GPC5: variants seen among roughly 807,000 people sequenced by gnomAD.
GPC5 encodes the protein glypican 5.
In GPC5, 47 loss-of-function variants were observed where a neutral mutation model predicts 53.9. That is an observed-to-expected ratio of 0.87 (90% CI 0.69 to 1.11). The LOEUF is 1.11. Among genes scored for constraint, GPC5 ranks in the 50% most tolerant of loss-of-function variants. The probability of loss-of-function intolerance (pLI) is 0.00; values close to 1 mark genes in which losing one functional copy is unlikely to be tolerated. For synonymous variants in GPC5, 286 were observed against 263.3 expected (o/e 1.09, Z -0.84); for missense variants, 748 against 713.1 (o/e 1.05, Z -0.56).
intron 2 of GPC5, among the ~76,000 whole-genome samples, chr13:91,628,455 C>T (rs1326135584): frequency 6.6e-6 from 1 of 150,472 alleles, no homozygotes; most frequent in Non-Finnish European, 1.5e-5. Context: ...CTATGTTTAA[C>T]CGTAGCTACC....
chr13:92,354,540 G>C (rs1209802178), intron 7 of GPC5, among the ~76,000 whole-genome samples: 1 of 152,162 alleles, frequency 6.6e-6, no homozygotes, highest in Non-Finnish European at 1.5e-5. Context: ...TTACTATGTA[G>C]CTAGAAGTAT....
At chr13:92,865,249 G>GA (rs559054509) in intron 7 of GPC5, among the ~76,000 whole-genome samples, 109 of 152,110 alleles carry the variant, frequency 7.2e-4, no homozygotes, top group Non-Finnish European at 1.2e-3. Flanking sequence ...TTTTTTAAAT[G>GA]AAACACTTTA....
intron 2 of GPC5, among the ~76,000 whole-genome samples, chr13:91,623,004 T>C (rs2033901930): frequency 6.6e-6 from 1 of 151,988 alleles, no homozygotes. Flanking sequence ...CTAACAATAT[T>C]ATAATGGATC....
intron 7 of GPC5, among the ~76,000 whole-genome samples, chr13:92,855,555 C>T (rs1218576839): frequency 3.3e-5 from 5 of 151,670 alleles, no homozygotes; most frequent in Admixed American, 1.3e-4. Flanking sequence ...ACTTTCATAC[C>T]ACTCTTTCAT....
chr13:92,826,636 G>A (rs1168743880), intron 7 of GPC5, among the ~76,000 whole-genome samples: 2 of 152,034 alleles, frequency 1.3e-5, no homozygotes, highest in East Asian at 1.9e-4. Flanking sequence ...ATATCCCAAG[G>A]GACAGAATTT....
intron 2 of GPC5, among the ~76,000 whole-genome samples, chr13:91,661,719 GA>G (rs551955346): frequency 3.8e-4 from 58 of 152,288 alleles, no homozygotes; most frequent in African/African-American, 1.3e-3. Context: ...AGAGTTGGGG[GA>G]AAGTCTGTAA....
At chr13:92,494,195 T>C (rs1173693145) in intron 7 of GPC5, among the ~76,000 whole-genome samples, 1 of 152,048 alleles carries the variant, frequency 6.6e-6, no homozygotes, top group South Asian at 2.1e-4. Context: ...GTTCACGCCA[T>C]TCTCCTGCCT....
chr13:91,771,784 T>C (rs1290184313), intron 5 of GPC5, among the ~76,000 whole-genome samples: 2 of 152,220 alleles, frequency 1.3e-5, no homozygotes, highest in African/African-American at 4.8e-5. Context: ...AGAATCATCA[T>C]ATATTTTTAC....
At chr13:91,921,206 G>T (rs959685228) in intron 6 of GPC5, among the ~76,000 whole-genome samples, 1 of 151,720 alleles carries the variant, frequency 6.6e-6, no homozygotes, top group African/African-American at 2.4e-5. Context: ...CAGAGTGTTG[G>T]GATTATAGGC....
At chr13:92,074,243 A>G (rs1214746311) in intron 6 of GPC5, among the ~76,000 whole-genome samples, 4 of 152,220 alleles carry the variant, frequency 2.6e-5, no homozygotes, top group Non-Finnish European at 4.4e-5. Context: ...GGGTAAGAAA[A>G]GTCAGGGGTG....
chr13:92,517,101 C>G (rs1232853200), intron 7 of GPC5, among the ~76,000 whole-genome samples: 1 of 152,104 alleles, frequency 6.6e-6, no homozygotes, highest in Non-Finnish European at 1.5e-5. Flanking sequence ...AGTCTGAGAT[C>G]CAACTGCAAG....
intron 6 of GPC5, among the ~76,000 whole-genome samples, chr13:91,957,861 C>T (rs542958627): frequency 4.5e-4 from 68 of 151,754 alleles, no homozygotes; most frequent in African/African-American, 1.5e-3. Flanking sequence ...TTTAAACCCC[C>T]GGTTAGAGCA....
intron 7 of GPC5, among the ~76,000 whole-genome samples, chr13:92,492,356 G>A (rs536198083): frequency 1.2e-4 from 18 of 151,682 alleles, no homozygotes. Flanking sequence ...GGGTGGGAGA[G>A]GGGGGAGGGA....
At chr13:91,559,118 A>G (rs924140078) in intron 2 of GPC5, among the ~76,000 whole-genome samples, 1 of 152,092 alleles carries the variant, frequency 6.6e-6, no homozygotes, top group African/African-American at 2.4e-5. Context: ...TGGTTTGGTC[A>G]TGCTCTAGGA....
rs149338928 is a variant in GPC5, at chr13:92,336,596, A to G, written c.1561+191607A>G. Among the ~76,000 whole-genome samples, 1,094 of 152,306 alleles carry G rather than the reference A, an allele frequency of 7.2e-3. 15 individuals are homozygous for G. Among genetic ancestry groups the G allele is most frequent in the African/African-American group, 0.023 (952 of 41,554 alleles). On this transcript the variant is annotated intron_variant, in intron 7 of 7. Coordinates refer to ENST00000377067, the MANE Select transcript of GPC5 (RefSeq NM_004466.6). ...TTTTTGTTTACTAATTAAGGTCACAATCAGGAAATAGTTACATATTACACA... is the reference window on the plus strand; with the variant it reads ...TTTTTGTTTACTAATTAAGGTCACAGTCAGGAAATAGTTACATATTACACA...
chr13:92,304,570 C>T (rs897638185), intron 7 of GPC5, among the ~76,000 whole-genome samples: 18 of 127,256 alleles, frequency 1.4e-4, no homozygotes, highest in African/African-American at 6.3e-4. Flanking sequence ...ATAGGGATAT[C>T]ATTTTATGGT....
rs369616343 is a variant in GPC5 at position 91,600,247 on chromosome 13, C to G, written c.326-92940C>G. The stretch of plus-strand genomic sequence containing the variant: ...ACTTTTTTATAATTAAATACAGCTA[C>G]TTGATCTAGCAAAAATCTATAGATA... On this transcript the variant is annotated intron_variant, in intron 2 of 7. Coordinates refer to ENST00000377067, the MANE Select transcript of GPC5 (RefSeq NM_004466.6). Among the ~76,000 whole-genome samples, 8 of 151,838 alleles carry G rather than the reference C, an allele frequency of 5.3e-5. No homozygotes were observed. In the East Asian group the frequency reaches 1.4e-3, roughly 26 times the overall value.
At chr13:92,132,841 C>T (rs1170055182) in intron 6 of GPC5, among the ~76,000 whole-genome samples, 1 of 151,946 alleles carries the variant, frequency 6.6e-6, no homozygotes, top group Non-Finnish European at 1.5e-5. Context: ...CAAAATTAGC[C>T]TAAAATGGAA....
At position 92,341,100 on chromosome 13, in the gene GPC5, G is replaced by T. The variant is rs930980916; in HGVS notation, c.1561+196111G>T. 2.6e-5 allele frequency among the ~76,000 whole-genome samples: 4 copies of T among 152,034 alleles called. No homozygotes were observed. The East Asian group carries it at 7.7e-4, about 29-fold the overall frequency. ...GATGAAAATAATGATTTTTATTTTA[G>T]TTTCAGGAAAGTTTGAATAAAAAGT... is the stretch of plus-strand genomic sequence containing the variant. On this transcript the variant is annotated intron_variant, in intron 7 of 7. Transcript: ENST00000377067.
Sources: gnomAD v4.1 joint callset for allele counts (sites outside exome capture counted in the v4.1 genomes callset) on GRCh38, gnomAD v4.1.1 for gene constraint, MANE v1.5 for transcripts, NCBI Gene and HGNC (gene_info 2026-07-23, HGNC 2026-07-21) for gene names.